Variants in HAPLN3 observed in about 807,000 individuals in gnomAD.
HAPLN3 encodes the protein extracellular link domain containing, 1.
HAPLN3 carries 28 observed loss-of-function variants against 28.1 expected under a neutral mutation model. That is an observed-to-expected ratio of 1.00 (90% CI 0.74 to 1.37). The LOEUF (loss-of-function observed/expected upper bound fraction) is 1.37, where lower values mean the gene tolerates loss of function less well. HAPLN3 is among the 40% of genes most tolerant of loss of function. The probability of loss-of-function intolerance (pLI) is 0.00; values close to 1 mark genes in which losing one functional copy is unlikely to be tolerated. For synonymous variants in HAPLN3, 211 were observed against 213.1 expected, an observed-to-expected ratio of 0.99 and a Z score of 0.09; for missense variants, 513 against 504.6, an observed-to-expected ratio of 1.02 and a Z score of -0.16.
At chr15:88,887,862 C>G (rs940732565) in intron 1 of HAPLN3, among the ~76,000 whole-genome samples, 13 of 151,848 alleles carry the variant, frequency 8.6e-5, no homozygotes, top group Non-Finnish European at 1.3e-4. Context: ...ACTCGGGAGG[C>G]TGAGGCAGGA....
Position 88,881,547 on chromosome 15 carries a change from C to A in HAPLN3, c.303G>T (p.Val101=). 1 of 1,614,132 alleles carries A rather than the reference C, an allele frequency of 6.2e-7. No individual in the cohort carries two copies. The highest frequency in any genetic ancestry group is 8.5e-7 in the Non-Finnish European group (1 of 1,180,042). ...GGTGCCTCAGCCCGATGGCCACCAG[C>A]ACGTCCTTCTCTGGGGCCCCGTTCT... ...LSENGAPEKD[V]LVAIGLRHRS... is the part of the protein sequence containing the mutation. Residue 101 remains valine, a synonymous_variant, in exon 3 of 5, where the codon GTG becomes GTT. Transcript: ENST00000359595. This position sits in a 1 kb window ranked among gnomAD's most constrained non-coding sequence, Gnocchi z 6.0.
chr15:88,886,871 G>A (rs1897871307), intron 2 of HAPLN3, among the ~76,000 whole-genome samples: 2 of 152,126 alleles, frequency 1.3e-5, no homozygotes, highest in South Asian at 4.1e-4. Context: ...TTCGACCCCA[G>A]GTCCCCTTTC....
intron 1 of HAPLN3, among the ~76,000 whole-genome samples, chr15:88,893,324 A>G (rs1235586189): frequency 1.3e-5 from 2 of 151,946 alleles, no homozygotes; most frequent in East Asian, 3.9e-4. Context: ...TGGCTAAGGC[A>G]GGAGAATTGT....
rs555273121 is a variant in HAPLN3, at chr15:88,880,141, C to T, written c.494-872G>A. 33 of 992,206 alleles carry T rather than the reference C, an allele frequency of 3.3e-5. 1 individual carries two copies. The South Asian group carries it at 1.4e-3, about 43-fold the overall frequency. The allele number at this position is 992,206 out of a possible 1,614,324, so 61.5% of individuals were successfully genotyped here. ...ATGGGCCCTGACAGTCAGCTTGCAG[C>T]CTCTACGTGTGTTTGCAGGGGGACT... is the stretch of plus-strand genomic sequence containing the variant. On this transcript the variant is annotated intron_variant, in intron 3 of 4. Transcript: ENST00000359595. The surrounding 1 kb of genome is among the most constrained non-coding windows in gnomAD (Gnocchi z 6.0).
Position 88,878,239 on chromosome 15 carries a change from C to G in HAPLN3, c.814G>C (p.Glu272Gln). 1 of 1,612,938 alleles carries G rather than the reference C, an allele frequency of 6.2e-7. No individual in the cohort carries two copies. Among genetic ancestry groups the G allele is most frequent in the Non-Finnish European group, 8.5e-7 (1 of 1,179,274 alleles). ...GTCAGCGTCAGCTTCTCAGGGTGCTCCAGGTAGTACACCCGCCCTGGGGGA... is the reference window on the plus strand; with the variant it reads ...GTCAGCGTCAGCTTCTCAGGGTGCTGCAGGTAGTACACCCGCCCTGGGGGA... The part of the protein sequence containing the change: ...TALKGRVYYL[E>Q]HPEKLTLTEA... The change falls in exon 5 of 5, where the codon GAG becomes CAG. Residue 272 changes from glutamate to glutamine, a missense_variant. Transcript: ENST00000359595.
chr15:88,887,484 C>T (rs576630393), intron 1 of HAPLN3, 139 bp from the exon 2 acceptor site: 3 of 775,240 alleles, frequency 3.9e-6, no homozygotes, highest in East Asian at 2.7e-5. Context: ...ACGCTGTTCC[C>T]GGAGCTGAGA....
chr15:88,894,611 G>T (rs970298922), intron 1 of HAPLN3, among the ~76,000 whole-genome samples: 1 of 151,546 alleles, frequency 6.6e-6, no homozygotes, highest in African/African-American at 2.4e-5. Flanking sequence ...GGGCGGCGTC[G>T]AGGGAGAGAA....
At position 88,881,262 on chromosome 15, in the gene HAPLN3, T is replaced by A; in HGVS notation, c.493+95A>T. ...GGTTGTTTTGAGAATTAAGTACTTT[T>A]AAATGTCTAAAGCACAGAGGTCTGG... On this transcript the variant is annotated intron_variant, in intron 3 of 4. Coordinates refer to ENST00000359595, the MANE Select transcript of HAPLN3 (RefSeq NM_178232.4). This position sits in a 1 kb window ranked among gnomAD's most constrained non-coding sequence, Gnocchi z 6.0. The A allele has an allele frequency of 6.9e-7, 1 of 1,441,422 alleles. No homozygotes were observed. The highest frequency in any genetic ancestry group is 1.4e-5 in the South Asian group (1 of 73,710). The allele number at this position is 1,441,422 out of a possible 1,614,324, so 89.3% of individuals were successfully genotyped here.
rs1264170152 is a variant in HAPLN3, at chr15:88,877,679, C to A, written c.*291G>T. On this transcript the variant is annotated 3_prime_UTR_variant, in exon 5 of 5. Coordinates refer to ENST00000359595, the MANE Select transcript of HAPLN3 (RefSeq NM_178232.4). This position sits in a 1 kb window ranked among gnomAD's most constrained non-coding sequence, Gnocchi z 5.1. ...GACAGGCCACCGCCCACTCTGGGCA[C>A]CAACCTCCTTAAGGGAGGGAGACCA... The A allele has an allele frequency of 2.8e-6, 1 of 354,880 alleles. No homozygotes were observed. The highest frequency in any genetic ancestry group is 5.1e-6 in the Non-Finnish European group (1 of 196,674). 22.0% of individuals were successfully genotyped at this position (354,880 alleles called of 1,614,324 possible).
rs553757351 is a variant in HAPLN3 at position 88,887,780 on chromosome 15, A to G, written c.-47-435T>C. On this transcript the variant is annotated intron_variant, in intron 1 of 4. Coordinates refer to ENST00000359595, the MANE Select transcript of HAPLN3 (RefSeq NM_178232.4). ...GGAGTTTGAGGCCAGCCTGGCCAAC[A>G]TGGAGAAACCCCGTCTCTACTAAAA... is the stretch of plus-strand genomic sequence containing the variant. Among the ~76,000 whole-genome samples the G allele has an allele frequency of 3.3e-5, 5 of 152,192 alleles. No homozygotes were observed. The East Asian group carries it at 7.8e-4, about 24-fold the overall frequency.
In HAPLN3 at chr15:88,879,463, G is replaced by A; in HGVS notation, c.494-194C>T. 1 of 1,532,980 alleles carries A rather than the reference G, an allele frequency of 6.5e-7. No individual in the cohort carries two copies. Among genetic ancestry groups the A allele is most frequent in the Non-Finnish European group, 8.7e-7 (1 of 1,145,672 alleles). The allele number at this position is 1,532,980 out of a possible 1,614,324, so 95.0% of individuals were successfully genotyped here. A position where few individuals can be genotyped will look rare whatever the true frequency, so the allele number is the denominator to read the frequency against. ...TCTCCTGGGACTCAGCTGGTTCACAGCAGTACTCAGAAAACATCCATGAGT... is the reference window on the plus strand; with the variant it reads ...TCTCCTGGGACTCAGCTGGTTCACAACAGTACTCAGAAAACATCCATGAGT... On this transcript the variant is annotated intron_variant, in intron 3 of 4. Transcript: ENST00000359595. The surrounding 1 kb of genome is among the most constrained non-coding windows in gnomAD (Gnocchi z 5.0).
At chr15:88,882,032 G>A (rs983450981) in intron 2 of HAPLN3, among the ~76,000 whole-genome samples, 1 of 152,226 alleles carries the variant, frequency 6.6e-6, no homozygotes, top group African/African-American at 2.4e-5. Context: ...AGGGGGCCTT[G>A]CTGCTTCCAC....
At chr15:88,887,452 A>G (rs1331398353) in intron 1 of HAPLN3, 107 bp from the exon 2 acceptor site, 3 of 1,018,704 alleles carry the variant, frequency 2.9e-6, no homozygotes, top group Non-Finnish European at 4.3e-6. Context: ...TCACTGCGGG[A>G]CACCTGCCGC....
intron 1 of HAPLN3, among the ~76,000 whole-genome samples, chr15:88,893,315 G>A (rs906609418): frequency 1.3e-5 from 2 of 151,982 alleles, no homozygotes; most frequent in Non-Finnish European, 2.9e-5. Context: ...CTACTGGGGT[G>A]GCTAAGGCAG....
At chr15:88,890,835 TGAGA>T (rs1427919346) in intron 1 of HAPLN3, among the ~76,000 whole-genome samples, 2 of 151,906 alleles carry the variant, frequency 1.3e-5, no homozygotes, top group Admixed American at 6.6e-5. Flanking sequence ...CACTGTCCTA[TGAGA>T]GAGAAACAGA....
intron 2 of HAPLN3, among the ~76,000 whole-genome samples, chr15:88,886,693 C>T (rs1426898784): frequency 3.3e-5 from 5 of 151,970 alleles, no homozygotes; most frequent in African/African-American, 1.2e-4. Context: ...GGCATGGTGG[C>T]ACATGCTTGT....
chr15:88,890,476 G>T (rs1355104777), intron 1 of HAPLN3, among the ~76,000 whole-genome samples: 1 of 152,134 alleles, frequency 6.6e-6, no homozygotes, highest in Non-Finnish European at 1.5e-5. Flanking sequence ...AGTTTCCTCG[G>T]TTGCGAAATG....
rs996387375 is a variant in HAPLN3 at position 88,878,884 on chromosome 15, G to A, written c.796+83C>T. 5.0e-6 allele frequency: 7 copies of A among 1,397,186 alleles called. No individual in the cohort carries two copies. In the African/African-American group the frequency reaches 1.0e-4, roughly 20 times the overall value. 86.5% of individuals were successfully genotyped at this position (1,397,186 alleles called of 1,614,324 possible). On this transcript the variant is annotated intron_variant, in intron 4 of 4. Transcript: ENST00000359595. ...AGTACCAGCAGAGCCAGCAGAGGGGGCCAGAGCTCCCCAGAAGCTGCCCTC... is the reference window on the plus strand; with the variant it reads ...AGTACCAGCAGAGCCAGCAGAGGGGACCAGAGCTCCCCAGAAGCTGCCCTC...
rs990603290 is a variant in HAPLN3 at position 88,888,021 on chromosome 15, C to T, written c.-47-676G>A. 7.9e-5 allele frequency among the ~76,000 whole-genome samples: 12 copies of T among 151,482 alleles called. No individual in the cohort carries two copies. Among genetic ancestry groups the T allele is most frequent in the Admixed American group, 6.6e-5 (1 of 15,220 alleles). On this transcript the variant is annotated intron_variant, in intron 1 of 4. Coordinates refer to ENST00000359595, the MANE Select transcript of HAPLN3 (RefSeq NM_178232.4). This position sits in a 1 kb window ranked among gnomAD's most constrained non-coding sequence, Gnocchi z 4.1. The stretch of plus-strand genomic sequence containing the variant: ...AGGTATGAGCAGCACTTTTTAATGA[C>T]GCCAAATAAACTAGACTAGAATAGA...
Sources: allele counts gnomAD v4.1 joint callset (sites outside exome capture counted in the v4.1 genomes callset), GRCh38; gene constraint gnomAD v4.1.1; non-coding constraint Gnocchi (gnomAD v3.1); transcripts MANE v1.5; gene names NCBI Gene and HGNC (gene_info 2026-07-23, HGNC 2026-07-21).